MATN2: variants seen among roughly 807,000 people sequenced by gnomAD.
MATN2 encodes the protein matrilin 2, also known as matrilin-2.
Under a neutral mutation model 103.2 loss-of-function variants are expected in MATN2, and 69 were observed. The observed-to-expected ratio is 0.67, with a 90% confidence interval of 0.55 to 0.82. The LOEUF is 0.82. Ranked by LOEUF, MATN2 falls within the 40% of genes least tolerant of loss-of-function variation. MATN2 has a pLI of 0.00. For missense variants in MATN2, 1,023 were observed against 1,211.5 expected (o/e 0.84, Z 2.31); for synonymous variants, 429 against 450.2 (o/e 0.95, Z 0.60).
At position 97,931,109 on chromosome 8, in the gene MATN2, A is replaced by G; in HGVS notation, c.299A>G (p.Gln100Arg). 6.2e-7 allele frequency: 1 copy of G among 1,614,020 alleles called. No individual in the cohort carries two copies. The highest frequency in any genetic ancestry group is 8.5e-7 in the Non-Finnish European group (1 of 1,179,890). The change falls in exon 3 of 19, where the codon CAA (glutamine) becomes CGA (arginine). Residue 100 changes from glutamine (Q) to arginine (R), a missense_variant. Gln to Arg is a conservative substitution (Grantham distance 43). Coordinates refer to ENST00000254898, the MANE Select transcript of MATN2 (RefSeq NM_002380.5). The surrounding 1 kb of genome is among the most constrained non-coding windows in gnomAD (Gnocchi z 4.1). ...GPDVTRVGLL[Q>R]YGSTVKNEFS... ...GATGTCACCCGAGTGGGCCTGCTCCAATATGGCAGCACTGTCAAGAATGAG... is the reference window on the plus strand; with the variant it reads ...GATGTCACCCGAGTGGGCCTGCTCCGATATGGCAGCACTGTCAAGAATGAG...
At chr8:97,942,013 TC>T in intron 4 of MATN2, 114 bp downstream of exon 4, 1 of 1,312,552 alleles carries the variant, frequency 7.6e-7, no homozygotes, top group Non-Finnish European at 1.1e-6. Flanking sequence ...CCAGTTATCA[TC>T]CCTTGGGGAC....
rs147736165 is a variant in MATN2, at chr8:97,967,949, C to T, written c.958+6419C>T. 4.6e-5 allele frequency among the ~76,000 whole-genome samples: 7 copies of T among 152,366 alleles called. No homozygotes were observed. In the East Asian group the frequency reaches 1.2e-3, roughly 25 times the overall value. ...CTGCAGCAGGCTTCTGCCTGGACAT[C>T]CAGGCTTTCCAAGACATACTCTGAA... On this transcript the variant is annotated intron_variant, in intron 5 of 18. Coordinates refer to ENST00000254898, the MANE Select transcript of MATN2 (RefSeq NM_002380.5).
intron 1 of MATN2, among the ~76,000 whole-genome samples, chr8:97,881,904 A>G (rs1032587489): frequency 3.1e-4 from 34 of 111,168 alleles, no homozygotes; most frequent in African/African-American, 1.1e-3. Context: ...CCATTCCTTT[A>G]TTACTTATCT....
At chr8:97,942,299 T>G (rs1350838491) in intron 4 of MATN2, among the ~76,000 whole-genome samples, 2 of 152,166 alleles carry the variant, frequency 1.3e-5, no homozygotes, top group African/African-American at 4.8e-5. Context: ...TTAGGAAGAG[T>G]TGTTAACCTC....
chr8:97,881,503 T>A (rs953967302), intron 1 of MATN2, among the ~76,000 whole-genome samples: 2 of 152,238 alleles, frequency 1.3e-5, no homozygotes, highest in African/African-American at 4.8e-5. Flanking sequence ...AGACTCATTG[T>A]CCCATGGAGA....
chr8:97,913,852 C>T (rs1208146049), intron 2 of MATN2, among the ~76,000 whole-genome samples: 2 of 152,148 alleles, frequency 1.3e-5, no homozygotes, highest in Non-Finnish European at 2.9e-5. Flanking sequence ...TGACCTCAGC[C>T]GATCCGCCCG....
At chr8:97,873,799 CT>C (rs1305923982) in intron 1 of MATN2, among the ~76,000 whole-genome samples, 2 of 150,970 alleles carry the variant, frequency 1.3e-5, no homozygotes, top group African/African-American at 2.4e-5. Context: ...TTTGTAAAAA[CT>C]TTTTTTTTAC....
At chr8:97,948,829 A>G (rs772141167) in intron 4 of MATN2, among the ~76,000 whole-genome samples, 2 of 152,144 alleles carry the variant, frequency 1.3e-5, no homozygotes, top group African/African-American at 2.4e-5. Flanking sequence ...TAAATAGTAC[A>G]CAAAAAGCTA....
chr8:97,924,569 C>T (rs1419641451), intron 2 of MATN2, among the ~76,000 whole-genome samples: 1 of 152,172 alleles, frequency 6.6e-6, no homozygotes, highest in African/African-American at 2.4e-5. Context: ...TCCGTCACAC[C>T]TGTCCCGTCC....
intron 3 of MATN2, among the ~76,000 whole-genome samples, chr8:97,937,911 A>G (rs1387775890): frequency 6.6e-6 from 1 of 152,112 alleles, no homozygotes; most frequent in Admixed American, 6.5e-5. Context: ...AAGAAAGTGG[A>G]GTTCAGAGAA....
intron 13 of MATN2, chr8:98,025,260 G>C (rs1206904744): frequency 6.6e-6 from 1 of 152,182 alleles, no homozygotes; most frequent in African/African-American, 2.4e-5. Flanking sequence ...CCCCCAACAT[G>C]TGCGCACTCA....
intron 14 of MATN2, 109 bp from the exon 15 acceptor site, chr8:98,030,353 C>T (rs1286988797): frequency 2.4e-6 from 2 of 821,704 alleles, no homozygotes; most frequent in East Asian, 5.4e-5. Context: ...ATGGACTCTT[C>T]AAATCATACC....
chr8:97,925,945 C>T lies in MATN2; in HGVS notation c.143-5008C>T, dbSNP rs766672534. Among the ~76,000 whole-genome samples, 8 of 152,266 alleles carry T rather than the reference C, an allele frequency of 5.3e-5. No individual in the cohort carries two copies. The East Asian group carries it at 1.2e-3, about 22-fold the overall frequency. ...CTGCCATGATTGAATTTAGCCAGAA[C>T]GGGAGAGAGGCTGATTAGTGACAAG... On this transcript the variant is annotated intron_variant, in intron 2 of 18. Transcript: ENST00000254898.
chr8:97,897,599 A>C (rs1442074813), intron 2 of MATN2, among the ~76,000 whole-genome samples: 2 of 152,236 alleles, frequency 1.3e-5, no homozygotes, highest in Non-Finnish European at 2.9e-5. Context: ...TGTTTTAAAT[A>C]TAGCAACGTT....
chr8:98,010,011 C>T (rs1813103793), intron 10 of MATN2, among the ~76,000 whole-genome samples: 2 of 152,222 alleles, frequency 1.3e-5, no homozygotes, highest in South Asian at 2.1e-4. Flanking sequence ...CCGCTCCCCG[C>T]TTGATAACCT....
At chr8:97,988,152 C>CAAAAAAAA (rs869146483) in intron 6 of MATN2, among the ~76,000 whole-genome samples, 1 of 65,868 alleles carries the variant, frequency 1.5e-5, no homozygotes, top group Non-Finnish European at 2.6e-5. Flanking sequence ...CCATCTCCAC[C>CAAAAAAAA]AAAAAAAAAA....
At chr8:97,984,296 C>A (rs1812125403) in intron 6 of MATN2, among the ~76,000 whole-genome samples, 1 of 152,222 alleles carries the variant, frequency 6.6e-6, no homozygotes, top group Admixed American at 6.5e-5. Flanking sequence ...GAGCTGATAT[C>A]TATTTCCTTG....
chr8:98,018,867 A>G (rs1586162297), intron 12 of MATN2, among the ~76,000 whole-genome samples: 1 of 151,994 alleles, frequency 6.6e-6, no homozygotes, highest in South Asian at 2.1e-4. Context: ...CAGCCAAACC[A>G]TATCAGAGGG....
At chr8:97,917,790 A>C (rs1043150109) in intron 2 of MATN2, among the ~76,000 whole-genome samples, 3 of 152,192 alleles carry the variant, frequency 2.0e-5, no homozygotes, top group Non-Finnish European at 4.4e-5. Flanking sequence ...CTTATTCAGA[A>C]GTAGAATCTC....
Sources: gnomAD v4.1 joint callset for allele counts (sites outside exome capture counted in the v4.1 genomes callset) on GRCh38, gnomAD v4.1.1 for gene constraint, Gnocchi (gnomAD v3.1) non-coding constraint, MANE v1.5 for transcripts, NCBI Gene and HGNC (gene_info 2026-07-23, HGNC 2026-07-21) for gene names.